GRID1: variants seen among roughly 807,000 people sequenced by gnomAD.
The protein encoded by GRID1 is glutamate receptor ionotropic, delta-1.
GRID1 carries 28 observed loss-of-function variants against 98.0 expected under a neutral mutation model. That is an observed-to-expected ratio of 0.29 (90% CI 0.21 to 0.39). The LOEUF (loss-of-function observed/expected upper bound fraction) is 0.39. Among genes scored for constraint, GRID1 ranks in the 10% least tolerant of loss-of-function variants. The pLI is 1.00. For missense variants in GRID1, 1,111 were observed against 1,340.5 expected (o/e 0.83, Z 2.67); for synonymous variants, 553 against 538.5 (o/e 1.03, Z -0.37).
At chr10:86,032,456 G>A (rs1439758035) in intron 4 of GRID1, among the ~76,000 whole-genome samples, 1 of 152,202 alleles carries the variant, frequency 6.6e-6, no homozygotes, top group African/African-American at 2.4e-5. Flanking sequence ...GTAGACATGG[G>A]AGACTCCATT....
chr10:86,357,188 A>G (rs1409905269), intron 2 of GRID1, among the ~76,000 whole-genome samples: 1 of 152,238 alleles, frequency 6.6e-6, no homozygotes, highest in Non-Finnish European at 1.5e-5. Flanking sequence ...TTTCTCAACC[A>G]TGGCCATTGG....
chr10:85,883,355 T>C (rs1296605025), intron 5 of GRID1, among the ~76,000 whole-genome samples: 1 of 152,246 alleles, frequency 6.6e-6, no homozygotes, highest in Admixed American at 6.5e-5. Flanking sequence ...TAAGCACACT[T>C]ATTTAATATT....
chr10:86,121,267 G>A (rs1844660859), intron 4 of GRID1, among the ~76,000 whole-genome samples: 2 of 150,604 alleles, frequency 1.3e-5, no homozygotes, highest in South Asian at 4.2e-4. Context: ...CCCTAAAGTT[G>A]CAATTTCATT....
chr10:86,085,739 C>T (rs967784737), intron 4 of GRID1, among the ~76,000 whole-genome samples: 3 of 152,114 alleles, frequency 2.0e-5, no homozygotes, highest in African/African-American at 7.2e-5. Context: ...CAGGGGTCTT[C>T]AGGACTTGCA....
At chr10:86,313,067 AGGTG>A (rs1342107426) in intron 2 of GRID1, among the ~76,000 whole-genome samples, 21 of 152,212 alleles carry the variant, frequency 1.4e-4, no homozygotes, top group African/African-American at 4.8e-4. Flanking sequence ...GAGAGAGGCC[AGGTG>A]GGTTGGACAG....
At position 85,728,070 on chromosome 10, in the gene GRID1, A is replaced by G; in HGVS notation, c.1336-18T>C. 6.5e-7 allele frequency: 1 copy of G among 1,528,828 alleles called. No homozygotes were observed. Among genetic ancestry groups the G allele is most frequent in the Non-Finnish European group, 9.1e-7 (1 of 1,102,404 alleles). 94.7% of individuals were successfully genotyped at this position (1,528,828 alleles called of 1,614,324 possible). On this transcript the variant is annotated intron_variant, in intron 9 of 15. Coordinates refer to ENST00000327946, the MANE Select transcript of GRID1 (RefSeq NM_017551.3). ...GGCTCTTCCTGAGGACAACAGAATG[A>G]AGGTTCTCCAATTAAATAACAGGTT...
chr10:86,203,765 G>A (rs544376672), intron 3 of GRID1, among the ~76,000 whole-genome samples: 9 of 151,966 alleles, frequency 5.9e-5, no homozygotes, highest in South Asian at 2.1e-4. Flanking sequence ...GGGGTTCTCC[G>A]CTCACCTCCA....
intron 2 of GRID1, among the ~76,000 whole-genome samples, chr10:86,332,913 C>G (rs1221686247): frequency 6.6e-6 from 1 of 152,204 alleles, no homozygotes; most frequent in Non-Finnish European, 1.5e-5. Context: ...CACAGCCCCT[C>G]CTCGCTTCTC....
chr10:86,361,140 C>T (rs996138598), intron 2 of GRID1, among the ~76,000 whole-genome samples: 7 of 152,212 alleles, frequency 4.6e-5, no homozygotes, highest in Non-Finnish European at 8.8e-5. Flanking sequence ...GATGGAAAAG[C>T]ACCCCACAGA....
chr10:86,331,196 C>T (rs1425302634), intron 2 of GRID1, among the ~76,000 whole-genome samples: 2 of 152,234 alleles, frequency 1.3e-5, no homozygotes, highest in African/African-American at 4.8e-5. Flanking sequence ...TTCCCCCATC[C>T]CTCACCTCTC....
Position 85,602,430 on chromosome 10 carries a change from G to A in GRID1, c.2873C>T (p.Ser958Leu), listed in dbSNP as rs749211860. 7 of 1,614,022 alleles carry A rather than the reference G, an allele frequency of 4.3e-6. No individual in the cohort carries two copies. Among genetic ancestry groups the A allele is most frequent in the East Asian group, 2.2e-5 (1 of 44,878 alleles). The change falls in exon 16 of 16, where the codon TCG (serine) becomes TTG (leucine). Residue 958 changes from serine to leucine, a missense_variant. By Grantham distance (145) the Ser-to-Leu change is moderately radical. This residue lies in a region of GRID1 where 762 missense variants were observed against 869.1 expected (regional missense o/e 0.88). Coordinates refer to ENST00000327946, the MANE Select transcript of GRID1 (RefSeq NM_017551.3). ...SSNLPLPLSS[S>L]ATMPSMQCKH... ...GCACTGCATGGAGGGCATGGTCGCC[G>A]AGCTGCTCAGCGGCAGCGGCAGGTT...
At chr10:86,178,576 C>T (rs554125654) in intron 3 of GRID1, among the ~76,000 whole-genome samples, 2 of 152,330 alleles carry the variant, frequency 1.3e-5, no homozygotes, top group African/African-American at 4.8e-5. Context: ...AGAGCCCATG[C>T]GCCACCTCCA....
At chr10:85,652,279 A>T (rs1034502456) in intron 12 of GRID1, among the ~76,000 whole-genome samples, 6 of 152,276 alleles carry the variant, frequency 3.9e-5, no homozygotes, top group African/African-American at 1.4e-4. Context: ...ATGTGTTTGC[A>T]GTATGAGAAA....
chr10:86,034,498 T>C (rs1342697286), intron 4 of GRID1, among the ~76,000 whole-genome samples: 2 of 152,092 alleles, frequency 1.3e-5, no homozygotes, highest in African/African-American at 4.8e-5. Context: ...TCCAAGCAGT[T>C]GCCCATAGTC....
At chr10:86,269,091 G>A (rs2132060321) in intron 2 of GRID1, among the ~76,000 whole-genome samples, 1 of 152,348 alleles carries the variant, frequency 6.6e-6, no homozygotes, top group Non-Finnish European at 1.5e-5. Flanking sequence ...TCACCTCTGT[G>A]AACCTTGGTT....
chr10:86,184,281 T>C (rs1347214291), intron 3 of GRID1, among the ~76,000 whole-genome samples: 3 of 152,136 alleles, frequency 2.0e-5, no homozygotes, highest in African/African-American at 7.2e-5. Flanking sequence ...ATTTTTTTAT[T>C]TTATGGATTG....
chr10:85,757,453 A>T (rs1244483892), intron 8 of GRID1, among the ~76,000 whole-genome samples: 14 of 152,362 alleles, frequency 9.2e-5, no homozygotes, highest in Middle Eastern at 3.4e-3. Context: ...CATGCACAAG[A>T]AAACAGACAT....
rs114342029 is a variant in GRID1 at position 85,936,306 on chromosome 10, C to A, written c.727-20067G>T. Among the ~76,000 whole-genome samples the A allele has an allele frequency of 7.2e-4, 110 of 152,364 alleles. 2 individuals are homozygous for A. Among genetic ancestry groups the A allele is most frequent in the African/African-American group, 2.6e-3 (108 of 41,588 alleles). ...GGGAAGCTCTAAGCCTGGATGATAT[C>A]ATTTCAGCTCTCCATGGAAAAATTC... is the stretch of plus-strand genomic sequence containing the variant. On this transcript the variant is annotated intron_variant, in intron 4 of 15. Transcript: ENST00000327946.
intron 2 of GRID1, among the ~76,000 whole-genome samples, chr10:86,320,960 C>T (rs1352129954): frequency 5.9e-5 from 9 of 151,864 alleles, no homozygotes; most frequent in South Asian, 2.1e-4. Flanking sequence ...ATTGGCTGGG[C>T]GTGGTGGTGG....
Sources: gnomAD v4.1 joint callset for allele counts (sites outside exome capture counted in the v4.1 genomes callset) on GRCh38, gnomAD v4.1.1 for gene constraint, gnomAD v4.1.1 regional missense constraint, MANE v1.5 for transcripts, NCBI Gene and HGNC (gene_info 2026-07-23, HGNC 2026-07-21) for gene names.